The following KHDRBS2 variants were observed in gnomAD, a reference collection of about 807,000 sequenced individuals.
KHDRBS2 encodes KH RNA binding domain containing, signal transduction associated 2.
KHDRBS2 carries 26 observed loss-of-function variants against 44.3 expected under a neutral mutation model. The observed-to-expected ratio is 0.59, with a 90% CI of 0.43 to 0.81. KHDRBS2 has a LOEUF of 0.81. Among genes scored for constraint, KHDRBS2 ranks in the 40% least tolerant of loss-of-function variants. KHDRBS2 has a pLI of 0.00. For missense variants in KHDRBS2, 476 were observed against 433.1 expected, an observed-to-expected ratio of 1.10 and a Z score of -0.88; for synonymous variants, 194 against 151.1, an observed-to-expected ratio of 1.28 and a Z score of -2.08.
intron 3 of KHDRBS2, among the ~76,000 whole-genome samples, chr6:61,992,053 G>C (rs1205179643): frequency 6.6e-6 from 1 of 152,178 alleles, no homozygotes; most frequent in African/African-American, 2.4e-5. Flanking sequence ...AATATAGCTG[G>C]TATCAGTGTG....
intron 6 of KHDRBS2, among the ~76,000 whole-genome samples, chr6:61,769,864 A>G (rs1780584041): frequency 6.6e-6 from 1 of 152,166 alleles, no homozygotes; most frequent in Non-Finnish European, 1.5e-5. Flanking sequence ...GCAGCTTGAG[A>G]TCTGAGAATG....
At chr6:61,882,435 T>C (rs539196780) in intron 6 of KHDRBS2, among the ~76,000 whole-genome samples, 1 of 152,150 alleles carries the variant, frequency 6.6e-6, no homozygotes, top group African/African-American at 2.4e-5. Flanking sequence ...ATTCTCCATT[T>C]GGTTTCTAAG....
At chr6:61,663,514 T>TATATATATATATAA in the KHDRBS2 span, among the ~76,000 whole-genome samples, 3 of 99,924 alleles carry the variant, frequency 3.0e-5, no homozygotes, top group South Asian at 4.2e-4. Context: ...TATATATATA[T>TATATATATATATAA]ATATATATAT....
chr6:61,782,885 C>T (rs1783228342), intron 6 of KHDRBS2, among the ~76,000 whole-genome samples: 1 of 151,690 alleles, frequency 6.6e-6, no homozygotes, highest in Admixed American at 6.6e-5. Context: ...GATGGCTACT[C>T]AGGCCATATT....
At chr6:61,996,787 C>G (rs1348497951) in intron 3 of KHDRBS2, among the ~76,000 whole-genome samples, 1 of 148,500 alleles carries the variant, frequency 6.7e-6, no homozygotes, top group African/African-American at 2.5e-5. Context: ...CCCCTCCTCC[C>G]CCCCTCACCC....
At chr6:62,033,366 A>G (rs1381859629) in intron 3 of KHDRBS2, among the ~76,000 whole-genome samples, 1 of 151,982 alleles carries the variant, frequency 6.6e-6, no homozygotes, top group Non-Finnish European at 1.5e-5. Flanking sequence ...AGAAGTTTAT[A>G]TAACACCAAA....
chr6:61,878,022 TATGTA>T (rs570734025), intron 6 of KHDRBS2, among the ~76,000 whole-genome samples: 202 of 152,150 alleles, frequency 1.3e-3, no homozygotes, highest in Non-Finnish European at 2.1e-3. Flanking sequence ...TAAAATGTCT[TATGTA>T]ATGAGAAAAA....
the KHDRBS2 span, among the ~76,000 whole-genome samples, chr6:61,595,782 T>A: frequency 6.6e-6 from 1 of 151,808 alleles, no homozygotes; most frequent in African/African-American, 2.4e-5. Context: ...TCAAAGTATA[T>A]AAACAAACAT....
chr6:61,718,190 A>G (rs1771757894), intron 7 of KHDRBS2, among the ~76,000 whole-genome samples: 1 of 152,088 alleles, frequency 6.6e-6, no homozygotes, highest in South Asian at 2.1e-4. Flanking sequence ...GTAGTGTTTG[A>G]GCAAAAAAAG....
At chr6:61,559,196 T>C in the KHDRBS2 span, among the ~76,000 whole-genome samples, 1 of 152,196 alleles carries the variant, frequency 6.6e-6, no homozygotes, top group Non-Finnish European at 1.5e-5. Flanking sequence ...CTAAAGTTTT[T>C]GTCTTGAAAT....
At chr6:61,906,194 A>G (rs1303491271) in intron 4 of KHDRBS2, among the ~76,000 whole-genome samples, 2 of 152,130 alleles carry the variant, frequency 1.3e-5, no homozygotes, top group Non-Finnish European at 2.9e-5. Context: ...GAACTCTTAA[A>G]TACTGTCTAG....
chr6:61,847,777 AT>A (rs1794628861), intron 6 of KHDRBS2, among the ~76,000 whole-genome samples: 2 of 152,032 alleles, frequency 1.3e-5, no homozygotes, highest in Non-Finnish European at 2.9e-5. Flanking sequence ...AGAATATTTT[AT>A]TTTTAACTAT....
At chr6:61,685,515 T>C (rs1766720582) in intron 8 of KHDRBS2, among the ~76,000 whole-genome samples, 1 of 151,866 alleles carries the variant, frequency 6.6e-6, no homozygotes, top group South Asian at 2.1e-4. Flanking sequence ...ATGTATACAG[T>C]ATATGTCAAT....
chr6:62,019,486 C>T (rs1291565048), intron 3 of KHDRBS2, among the ~76,000 whole-genome samples: 6 of 152,052 alleles, frequency 3.9e-5, no homozygotes, highest in Non-Finnish European at 8.8e-5. Flanking sequence ...TAATTCTTTC[C>T]TCTTTAATAT....
chr6:62,164,507 C>CA (rs1818277377), intron 2 of KHDRBS2, among the ~76,000 whole-genome samples: 1 of 151,684 alleles, frequency 6.6e-6, no homozygotes, highest in Non-Finnish European at 1.5e-5. Flanking sequence ...TCAAACAGCA[C>CA]AAAAATGCCT....
intron 2 of KHDRBS2, among the ~76,000 whole-genome samples, chr6:62,143,434 A>G (rs1256893687): frequency 2.0e-5 from 3 of 151,996 alleles, no homozygotes; most frequent in Admixed American, 6.6e-5. Flanking sequence ...ACAGCAATCT[A>G]TTTCATTCAT....
the KHDRBS2 span, chr6:61,652,446 A>G: frequency 6.6e-6 from 1 of 151,744 alleles, no homozygotes; most frequent in East Asian, 1.9e-4. Flanking sequence ...TATATTTTAC[A>G]TATTTATATA....
chr6:61,628,971 G>T, the KHDRBS2 span, among the ~76,000 whole-genome samples: 5 of 152,154 alleles, frequency 3.3e-5, no homozygotes, highest in Admixed American at 6.6e-5. Context: ...GTACAGTCAA[G>T]TCTGATCTGT....
chr6:62,248,209 A>AATAAAT (rs1312373916), intron 1 of KHDRBS2, among the ~76,000 whole-genome samples: 2 of 151,990 alleles, frequency 1.3e-5, no homozygotes, highest in East Asian at 3.9e-4. Flanking sequence ...TAAAAATAAA[A>AATAAAT]GGAAAGAAAG....
Sources: allele counts gnomAD v4.1 joint callset (sites outside exome capture counted in the v4.1 genomes callset), GRCh38; gene constraint gnomAD v4.1.1; transcripts MANE v1.5; gene names NCBI Gene and HGNC (gene_info 2026-07-23, HGNC 2026-07-21).